Variants in PIK3R4 observed in about 807,000 individuals in gnomAD.
PIK3R4 encodes phosphoinositide 3-kinase regulatory subunit 4.
PIK3R4 carries 46 observed loss-of-function variants against 136.5 expected under a neutral mutation model. The ratio of observed to expected loss-of-function variants is 0.34; its 90% confidence interval spans 0.27 to 0.43. PIK3R4 has a LOEUF of 0.43. PIK3R4 is among the 20% of genes least tolerant of loss of function. The probability of loss-of-function intolerance (pLI) is 1.00; values close to 1 mark genes in which losing one functional copy is unlikely to be tolerated. For missense variants in PIK3R4, 1,331 were observed against 1,649.5 expected, an observed-to-expected ratio of 0.81 and a Z score of 3.35; for synonymous variants, 557 against 566.7, an observed-to-expected ratio of 0.98 and a Z score of 0.24.
chr3:130,685,347 T>C (rs945392395), intron 15 of PIK3R4, among the ~76,000 whole-genome samples: 2 of 152,158 alleles, frequency 1.3e-5, no homozygotes, highest in African/African-American at 4.8e-5. Flanking sequence ...AATTAATACA[T>C]GTATCAAAAC....
intron 6 of PIK3R4, among the ~76,000 whole-genome samples, chr3:130,725,474 C>G (rs2066726149): frequency 6.7e-6 from 1 of 150,144 alleles, no homozygotes; most frequent in Non-Finnish European, 1.5e-5. Flanking sequence ...AAATAAAGAT[C>G]AATTAAACAG....
chr3:130,727,257 T>G lies in PIK3R4; in HGVS notation c.1807+1206A>C, dbSNP rs1271653701. Among the ~76,000 whole-genome samples the G allele has an allele frequency of 5.9e-5, 9 of 152,088 alleles. No homozygotes were observed. The South Asian group carries it at 1.9e-3, about 32-fold the overall frequency. ...TTTTTTTGAGACGGAGTCTCGCTCT[T>G]TCACCCAGGCCTGACTGCAGTGGCG... is the stretch of plus-strand genomic sequence containing the variant. On this transcript the variant is annotated intron_variant, in intron 6 of 19. Transcript: ENST00000356763.
Position 130,716,468 on chromosome 3 carries a change from A to G in PIK3R4, c.2259T>C (p.Asn753=). ...GCGGAGGGCAGTCGGGAAGAGAACC[A>G]TTTCGTTTCTTCTGACGCATGTGAA... ...RHLHMRQKKR[N]GSLPDCPPPE... Residue 753 remains asparagine, a synonymous_variant, in exon 9 of 20, where the codon AAT becomes AAC. Transcript: ENST00000356763. 1 of 1,614,184 alleles carries G rather than the reference A, an allele frequency of 6.2e-7. No homozygotes were observed. The highest frequency in any genetic ancestry group is 8.5e-7 in the Non-Finnish European group (1 of 1,180,012).
intron 14 of PIK3R4, among the ~76,000 whole-genome samples, chr3:130,688,557 G>A (rs928740278): frequency 1.3e-5 from 2 of 152,098 alleles, no homozygotes; most frequent in African/African-American, 4.8e-5. Context: ...CAGTTAAGTG[G>A]GTTAATTAGC....
intron 9 of PIK3R4, among the ~76,000 whole-genome samples, chr3:130,712,504 A>G: frequency 6.6e-6 from 1 of 152,006 alleles, no homozygotes; most frequent in East Asian, 1.9e-4. Flanking sequence ...CCCCGTCTCT[A>G]CTAAAAATAC....
intron 13 of PIK3R4, among the ~76,000 whole-genome samples, chr3:130,693,094 C>A (rs1375869259): frequency 6.6e-6 from 1 of 152,148 alleles, no homozygotes; most frequent in Admixed American, 6.5e-5. Flanking sequence ...CAATATGTGG[C>A]CTTTGGATCT....
intron 2 of PIK3R4, 96 bp from the exon 3 acceptor site, chr3:130,736,098 A>G: frequency 1.2e-6 from 1 of 867,326 alleles, no homozygotes; most frequent in Non-Finnish European, 1.7e-6. Context: ...CCCAAAATGC[A>G]AAACCCCAAA....
At chr3:130,703,638 A>C in intron 13 of PIK3R4, 85 bp downstream of exon 13, 2 of 1,016,646 alleles carry the variant, frequency 2.0e-6, no homozygotes, top group Admixed American at 4.2e-5. Flanking sequence ...CTGGTACCCA[A>C]AACAGTGGTT....
At chr3:130,735,848 G>T (rs374394908) in intron 3 of PIK3R4, 21 bp downstream of exon 3, 2 of 1,591,068 alleles carry the variant, frequency 1.3e-6, no homozygotes, top group Admixed American at 3.6e-5. Flanking sequence ...ACTTTATGGC[G>T]AATATTTGTA....
chr3:130,684,420 T>C, intron 15 of PIK3R4, 39 bp from the exon 16 acceptor site: 1 of 1,557,144 alleles, frequency 6.4e-7, no homozygotes, highest in Non-Finnish European at 8.8e-7. Flanking sequence ...CATCTAATGA[T>C]CAAAGTGCAT....
At chr3:130,717,517 A>T (rs2066672355) in intron 8 of PIK3R4, among the ~76,000 whole-genome samples, 1 of 151,964 alleles carries the variant, frequency 6.6e-6, no homozygotes, top group Non-Finnish European at 1.5e-5. Flanking sequence ...TGTATATATA[A>T]GTTGCTCTTG....
intron 9 of PIK3R4, among the ~76,000 whole-genome samples, chr3:130,715,392 G>A (rs1289686611): frequency 3.9e-5 from 6 of 152,054 alleles, no homozygotes; most frequent in Non-Finnish European, 5.9e-5. Flanking sequence ...CCAAAGTGCT[G>A]GGTTTATAGG....
chr3:130,680,114 T>C (rs912355301), intron 19 of PIK3R4, among the ~76,000 whole-genome samples: 17 of 143,140 alleles, frequency 1.2e-4, no homozygotes, highest in Admixed American at 6.8e-4. Flanking sequence ...AAAAAATACA[T>C]AGCAGATATT....
At chr3:130,679,555 G>GCAGGAC in intron 19 of PIK3R4, 70 bp from the exon 20 acceptor site, 2 of 1,045,252 alleles carry the variant, frequency 1.9e-6, no homozygotes, top group Non-Finnish European at 2.9e-6. Flanking sequence ...CTCGTCAGTA[G>GCAGGAC]TCCTGCTTCT....
intron 2 of PIK3R4, among the ~76,000 whole-genome samples, chr3:130,740,198 G>A (rs2066814202): frequency 6.6e-6 from 1 of 151,984 alleles, no homozygotes; most frequent in African/African-American, 2.4e-5. Flanking sequence ...TCAAAAAATG[G>A]CAATGTGATA....
At chr3:130,697,891 T>C (rs1292419245) in intron 13 of PIK3R4, among the ~76,000 whole-genome samples, 7 of 152,216 alleles carry the variant, frequency 4.6e-5, no homozygotes, top group Admixed American at 3.9e-4. Flanking sequence ...AGGACTCCCT[T>C]TAGTATTTCT....
chr3:130,690,755 A>G (rs1293658922), intron 13 of PIK3R4, 101 bp from the exon 14 acceptor site: 14 of 664,096 alleles, frequency 2.1e-5, no homozygotes, highest in Non-Finnish European at 2.5e-6. Context: ...TTTGGGGTCC[A>G]TTTAATCTCC....
intron 9 of PIK3R4, among the ~76,000 whole-genome samples, chr3:130,708,808 A>G (rs545460704): frequency 6.6e-6 from 1 of 152,314 alleles, no homozygotes; most frequent in East Asian, 1.9e-4. Context: ...TGTGATATCT[A>G]GTAGTATTTA....
intron 16 of PIK3R4, among the ~76,000 whole-genome samples, 158 bp from the exon 17 acceptor site, chr3:130,681,749 CAGTAAATAT>C (rs1157783547): frequency 2.0e-5 from 3 of 152,048 alleles, no homozygotes; most frequent in African/African-American, 7.2e-5. Context: ...TTTACTGAGC[CAGTAAATAT>C]AGTAAATATT....
Sources: allele counts gnomAD v4.1 joint callset (sites outside exome capture counted in the v4.1 genomes callset), GRCh38; gene constraint gnomAD v4.1.1; transcripts MANE v1.5; gene names NCBI Gene and HGNC (gene_info 2026-07-23, HGNC 2026-07-21).